Variants in SOX5 observed in about 807,000 individuals in gnomAD.
SOX5 encodes SRY-box transcription factor 5, also known as transcription factor SOX-5.
Under a neutral mutation model 92.0 loss-of-function variants are expected in SOX5, and 9 were observed. That is an observed-to-expected ratio of 0.10 (90% confidence interval 0.06 to 0.17). The LOEUF (loss-of-function observed/expected upper bound fraction) is 0.17. SOX5 is among the 10% of genes least tolerant of loss of function. The pLI is 1.00. For missense variants in SOX5, 642 were observed against 944.5 expected (o/e 0.68, Z 4.20); for synonymous variants, 344 against 336.3 (o/e 1.02, Z -0.25).
At chr12:24,538,494 G>A (rs984119135) in intron 1 of SOX5, among the ~76,000 whole-genome samples, 1 of 151,832 alleles carries the variant, frequency 6.6e-6, no homozygotes, top group South Asian at 2.1e-4. Context: ...AGCTATGTTC[G>A]CCGGTCAGAT....
chr12:23,578,223 T>A (rs560757498), intron 9 of SOX5, among the ~76,000 whole-genome samples: 1 of 147,664 alleles, frequency 6.8e-6, no homozygotes, highest in East Asian at 2.0e-4. Flanking sequence ...ATATATATGA[T>A]GTCATAATTG....
At chr12:24,019,865 C>T (rs748753902) in intron 4 of SOX5, among the ~76,000 whole-genome samples, 10 of 152,030 alleles carry the variant, frequency 6.6e-5, no homozygotes, top group Non-Finnish European at 1.2e-4. Context: ...TCTTAAACTA[C>T]GAGAAGCAGT....
chr12:24,400,072 G>A (rs1182919232), intron 1 of SOX5, among the ~76,000 whole-genome samples: 2 of 152,092 alleles, frequency 1.3e-5, no homozygotes, highest in East Asian at 3.8e-4. Context: ...TTAGCATTAG[G>A]AAATCCAGTC....
chr12:24,156,655 T>A (rs1424377603), intron 4 of SOX5, among the ~76,000 whole-genome samples: 2 of 152,270 alleles, frequency 1.3e-5, no homozygotes, highest in East Asian at 3.9e-4. Context: ...ATTTATGTAC[T>A]CATATATTTC....
intron 11 of SOX5, among the ~76,000 whole-genome samples, chr12:23,553,426 A>AAAAC (rs1247643929): frequency 1.3e-5 from 2 of 152,086 alleles, no homozygotes; most frequent in African/African-American, 4.8e-5. Flanking sequence ...GAATGTATAG[A>AAAAC]AAACAAACAA....
At chr12:24,090,230 C>T (rs1944478638) in intron 4 of SOX5, among the ~76,000 whole-genome samples, 1 of 152,086 alleles carries the variant, frequency 6.6e-6, no homozygotes, top group Non-Finnish European at 1.5e-5. Flanking sequence ...AACAACAAAT[C>T]TATAGTTTAC....
At chr12:24,053,866 C>G (rs1957838604) in intron 4 of SOX5, among the ~76,000 whole-genome samples, 2 of 152,106 alleles carry the variant, frequency 1.3e-5, no homozygotes, top group Non-Finnish European at 2.9e-5. Flanking sequence ...TTATAGCAAC[C>G]TAACATAGCA....
At chr12:23,638,966 T>G (rs1017092125) in intron 8 of SOX5, among the ~76,000 whole-genome samples, 1 of 152,022 alleles carries the variant, frequency 6.6e-6, no homozygotes, top group African/African-American at 2.4e-5. Context: ...ATGAAAAAAT[T>G]TTGGATTATT....
At chr12:24,082,301 C>T (rs1943435226) in intron 4 of SOX5, among the ~76,000 whole-genome samples, 1 of 148,770 alleles carries the variant, frequency 6.7e-6, no homozygotes, top group Non-Finnish European at 1.5e-5. Context: ...CTGTGCCCCA[C>T]AAGCACTATT....
At chr12:24,206,616 A>G (rs1958046843) in intron 4 of SOX5, among the ~76,000 whole-genome samples, 2 of 151,860 alleles carry the variant, frequency 1.3e-5, no homozygotes, top group African/African-American at 2.4e-5. Context: ...CAGCAGATCC[A>G]CTGGTGTACA....
At chr12:24,429,040 G>C (rs972977110) in intron 1 of SOX5, among the ~76,000 whole-genome samples, 3 of 151,420 alleles carry the variant, frequency 2.0e-5, no homozygotes, top group African/African-American at 4.9e-5. Flanking sequence ...TAGTATGGCC[G>C]GGCGCGGTGG....
At chr12:24,327,831 A>G (rs950686335) in intron 2 of SOX5, among the ~76,000 whole-genome samples, 5 of 151,570 alleles carry the variant, frequency 3.3e-5, no homozygotes, top group African/African-American at 1.2e-4. Context: ...TGACCTCGTG[A>G]TCCGCCCGCC....
intron 2 of SOX5, among the ~76,000 whole-genome samples, chr12:24,366,466 G>T (rs1956182535): frequency 1.3e-5 from 2 of 152,110 alleles, no homozygotes; most frequent in Admixed American, 1.3e-4. Flanking sequence ...TTGAAGCAAT[G>T]CCCCGCCACC....
At chr12:23,662,568 C>T (rs372706706) in intron 7 of SOX5, among the ~76,000 whole-genome samples, 121 of 152,290 alleles carry the variant, frequency 7.9e-4, no homozygotes, top group African/African-American at 2.8e-3. Context: ...TTCCATTCCA[C>T]ACCATATTTC....
chr12:24,366,352 T>C (rs1473456576), intron 2 of SOX5, among the ~76,000 whole-genome samples: 1 of 152,158 alleles, frequency 6.6e-6, no homozygotes, highest in East Asian at 1.9e-4. Context: ...CACAGGATTA[T>C]TCAGTGATCT....
At chr12:23,743,902 C>G (rs1402797064) in intron 4 of SOX5, among the ~76,000 whole-genome samples, 1 of 152,146 alleles carries the variant, frequency 6.6e-6, no homozygotes, top group Non-Finnish European at 1.5e-5. Flanking sequence ...TGAGAATTAA[C>G]AAATATCATT....
At chr12:23,540,479 A>AAAAT (rs1382013090) in intron 13 of SOX5, among the ~76,000 whole-genome samples, 1 of 151,918 alleles carries the variant, frequency 6.6e-6, no homozygotes, top group Non-Finnish European at 1.5e-5. Flanking sequence ...TTTGATGCTC[A>AAAAT]AAATAGGGGA....
intron 3 of SOX5, among the ~76,000 whole-genome samples, chr12:24,234,815 C>A (rs905904484): frequency 9.9e-5 from 15 of 152,170 alleles, no homozygotes; most frequent in African/African-American, 3.1e-4. Context: ...TTGCCCCTGC[C>A]CAGGGGACCT....
chr12:23,766,510 A>G (rs533245549), intron 3 of SOX5, among the ~76,000 whole-genome samples: 118 of 152,268 alleles, frequency 7.7e-4, no homozygotes, highest in African/African-American at 2.6e-3. Context: ...AACTTTTCTA[A>G]GACTTAAGGT....
Sources: allele counts gnomAD v4.1 joint callset (sites outside exome capture counted in the v4.1 genomes callset), GRCh38; gene constraint gnomAD v4.1.1; transcripts MANE v1.5; gene names NCBI Gene and HGNC (gene_info 2026-07-23, HGNC 2026-07-21).